PLCB4: variants seen among roughly 807,000 people sequenced by gnomAD.
The protein encoded by PLCB4 is 1-phosphatidylinositol 4,5-bisphosphate phosphodiesterase beta-4.
Under a neutral mutation model 178.8 loss-of-function variants are expected in PLCB4, and 77 were observed. That is an observed-to-expected ratio of 0.43 (90% CI 0.36 to 0.52). PLCB4 has a LOEUF of 0.52. Among genes scored for constraint, PLCB4 ranks in the 20% least tolerant of loss-of-function variants. The pLI, the probability that PLCB4 is intolerant of heterozygous loss-of-function variation, is 0.00. For synonymous variants in PLCB4, 496 were observed against 490.8 expected, an observed-to-expected ratio of 1.01 and a Z score of -0.14; for missense variants, 1,024 against 1,453.4, an observed-to-expected ratio of 0.70 and a Z score of 4.80.
At chr20:9,413,495 TA>T (rs2040010539) in intron 25 of PLCB4, among the ~76,000 whole-genome samples, 1 of 151,624 alleles carries the variant, frequency 6.6e-6, no homozygotes, top group South Asian at 2.1e-4. Context: ...CCGTCTCTAC[TA>T]AAAATACAAA....
chr20:9,268,917 G>A (rs952987286), intron 3 of PLCB4, among the ~76,000 whole-genome samples: 1 of 152,168 alleles, frequency 6.6e-6, no homozygotes, highest in African/African-American at 2.4e-5. Context: ...CCTCATTGTT[G>A]CATTTCTCCT....
chr20:9,182,251 AC>A (rs1318577088), intron 2 of PLCB4, among the ~76,000 whole-genome samples: 6 of 152,052 alleles, frequency 3.9e-5, no homozygotes, highest in South Asian at 2.1e-4. Context: ...CTATTGGTTT[AC>A]CCCATGTAAA....
intron 2 of PLCB4, among the ~76,000 whole-genome samples, chr20:9,154,881 T>TCCC (rs2092756436): frequency 1.0e-5 from 1 of 97,352 alleles, no homozygotes; most frequent in Admixed American, 1.0e-4. Context: ...CCTTCCTTCT[T>TCCC]TCCTTCCCTC....
intron 2 of PLCB4, among the ~76,000 whole-genome samples, chr20:9,213,482 G>T (rs1325488964): frequency 8.5e-5 from 13 of 152,150 alleles, no homozygotes; most frequent in Admixed American, 8.5e-4. Flanking sequence ...ACGTAGTCAT[G>T]TGTATCTGTG....
intron 2 of PLCB4, among the ~76,000 whole-genome samples, chr20:9,151,764 G>A (rs1447089821): frequency 1.3e-5 from 2 of 152,188 alleles, no homozygotes; most frequent in African/African-American, 4.8e-5. Flanking sequence ...AAATATGGAA[G>A]TGACTTTGGA....
At chr20:9,477,194 C>T (rs908580258) in intron 39 of PLCB4, among the ~76,000 whole-genome samples, 10 of 152,160 alleles carry the variant, frequency 6.6e-5, no homozygotes, top group Admixed American at 2.0e-4. Context: ...AAACCTTACA[C>T]GATGACTCTT....
intron 3 of PLCB4, among the ~76,000 whole-genome samples, chr20:9,257,669 T>C (rs942485655): frequency 1.3e-5 from 2 of 152,148 alleles, no homozygotes; most frequent in South Asian, 2.1e-4. Context: ...GCCACATAGA[T>C]ACATATTTGG....
intron 25 of PLCB4, among the ~76,000 whole-genome samples, chr20:9,414,072 C>T (rs1045095011): frequency 4.6e-5 from 7 of 152,184 alleles, no homozygotes; most frequent in Admixed American, 6.5e-5. Flanking sequence ...TTTGTAAATG[C>T]GTTCATTTAT....
chr20:9,370,071 C>G (rs1344160003), intron 9 of PLCB4, among the ~76,000 whole-genome samples: 1 of 152,164 alleles, frequency 6.6e-6, no homozygotes, highest in African/African-American at 2.4e-5. Context: ...TCCAGGGTAC[C>G]AAGTCCTCTG....
At chr20:9,154,530 A>C (rs923218911) in intron 2 of PLCB4, among the ~76,000 whole-genome samples, 2 of 152,200 alleles carry the variant, frequency 1.3e-5, no homozygotes, top group Admixed American at 6.5e-5. Flanking sequence ...GCTGGTGTGC[A>C]TAATGAACAT....
At chr20:9,177,458 T>C (rs558471080) in intron 2 of PLCB4, among the ~76,000 whole-genome samples, 1 of 152,324 alleles carries the variant, frequency 6.6e-6, no homozygotes, top group South Asian at 2.1e-4. Flanking sequence ...TAAATTTCAG[T>C]GACTCATCTC....
chr20:9,275,723 T>C (rs76575201), intron 3 of PLCB4, among the ~76,000 whole-genome samples: 4,134 of 152,172 alleles, frequency 0.027, 196 homozygotes, highest in African/African-American at 0.093. Flanking sequence ...AGCATTGAGA[T>C]CACCAGGGAG....
rs1387306381 is a variant in PLCB4 at position 9,389,841 on chromosome 20, C to T, written c.1159-38C>T. 5.9e-6 allele frequency: 6 copies of T among 1,013,492 alleles called. No homozygotes were observed. In the Admixed American group the frequency reaches 1.1e-4, roughly 19 times the overall value. 62.8% of individuals were successfully genotyped at this position (1,013,492 alleles called of 1,614,324 possible). On this transcript the variant is annotated intron_variant, in intron 15 of 39. Coordinates refer to ENST00000378473, the MANE Select transcript of PLCB4 (RefSeq NM_001377142.1). The stretch of plus-strand genomic sequence containing the variant: ...AGTTTTGGGTGCCTTAATTTTTTTG[C>T]TCTTTTCTCTCATTAACGTTTTTTT...
intron 3 of PLCB4, among the ~76,000 whole-genome samples, chr20:9,257,426 C>T (rs979201655): frequency 7.2e-5 from 11 of 152,084 alleles, no homozygotes; most frequent in African/African-American, 2.7e-4. Flanking sequence ...TTCAATGTAG[C>T]CATATAATTA....
chr20:9,457,591 C>A, intron 34 of PLCB4, 102 bp downstream of exon 34: 2 of 723,926 alleles, frequency 2.8e-6, no homozygotes, highest in South Asian at 1.5e-5. Context: ...TAGCCCAGAG[C>A]TGGTCTAGTA....
At chr20:9,369,882 A>G (rs1446190993) in intron 9 of PLCB4, among the ~76,000 whole-genome samples, 1 of 152,210 alleles carries the variant, frequency 6.6e-6, no homozygotes, top group Admixed American at 6.5e-5. Context: ...CTCACAGGGG[A>G]GGCATTCCAA....
At position 9,390,545 on chromosome 20, in the gene PLCB4, A is replaced by G. The variant is rs1250769070; in HGVS notation, c.1253A>G (p.Tyr418Cys). The G allele has an allele frequency of 6.3e-7, 1 of 1,575,354 alleles. No homozygotes were observed. The highest frequency in any genetic ancestry group is 1.7e-5 in the Admixed American group (1 of 59,950). ...TTTCTCTCCAGCAAATATCAACAGT[A>G]CAAGATGTCCAAATATTGCGAAGAT... ...FENHCSKYQQ[Y>C]KMSKYCEDLF... The change falls in exon 17 of 40, where the codon TAC becomes TGC. Residue 418 changes from tyrosine to cysteine, a missense_variant. Tyr to Cys is a radical substitution (Grantham distance 194). Coordinates refer to ENST00000378473, the MANE Select transcript of PLCB4 (RefSeq NM_001377142.1).
intron 4 of PLCB4, among the ~76,000 whole-genome samples, chr20:9,325,527 A>G (rs2147989670): frequency 6.6e-6 from 1 of 152,322 alleles, no homozygotes; most frequent in Non-Finnish European, 1.5e-5. Context: ...CTGAGCATCC[A>G]GATTTTGCCT....
chr20:9,124,573 A>G (rs1001793260), intron 2 of PLCB4, among the ~76,000 whole-genome samples: 1 of 152,136 alleles, frequency 6.6e-6, no homozygotes, highest in East Asian at 1.9e-4. Context: ...TAAAGAAAAT[A>G]CCTCTTTTAT....
Sources: gnomAD v4.1 joint callset for allele counts (sites outside exome capture counted in the v4.1 genomes callset) on GRCh38, gnomAD v4.1.1 for gene constraint, MANE v1.5 for transcripts, NCBI Gene and HGNC (gene_info 2026-07-23, HGNC 2026-07-21) for gene names.